NSUN6: variants seen among roughly 807,000 people sequenced by gnomAD.
NSUN6 encodes NOP2/Sun RNA methyltransferase 6, also known as tRNA (cytosine(72)-C(5))-methyltransferase NSUN6.
A neutral mutation model predicts 58.0 loss-of-function variants in NSUN6; 64 were observed. The observed-to-expected ratio is 1.10, with a 90% confidence interval of 0.90 to 1.36. The LOEUF (loss-of-function observed/expected upper bound fraction) is 1.36, where lower values mean the gene tolerates loss of function less well. Ranked by LOEUF, NSUN6 falls within the 40% of genes most tolerant of loss-of-function variation. NSUN6 has a pLI of 0.00. For synonymous variants in NSUN6, 231 were observed against 193.9 expected (o/e 1.19, Z -1.59); for missense variants, 701 against 550.1 (o/e 1.27, Z -2.74).
intron 6 of NSUN6, among the ~76,000 whole-genome samples, chr10:18,601,146 C>T (rs916705912): frequency 6.6e-6 from 1 of 151,184 alleles, no homozygotes; most frequent in East Asian, 2.0e-4. Context: ...AGTTATAAAC[C>T]AGTGCAGGCT....
At chr10:18,555,324 G>C (rs2054912321) in intron 8 of NSUN6, among the ~76,000 whole-genome samples, 1 of 150,820 alleles carries the variant, frequency 6.6e-6, no homozygotes, top group African/African-American at 2.4e-5. Context: ...GTGGAATGGA[G>C]AATGGAATGG....
chr10:18,573,765 G>C (rs1036741549), intron 8 of NSUN6, among the ~76,000 whole-genome samples: 2 of 152,018 alleles, frequency 1.3e-5, no homozygotes, highest in Non-Finnish European at 2.9e-5. Flanking sequence ...AAATATTTAG[G>C]CCACTTAGTA....
At chr10:18,561,105 A>G (rs151069225) in intron 8 of NSUN6, among the ~76,000 whole-genome samples, 73 of 140,762 alleles carry the variant, frequency 5.2e-4, no homozygotes, top group Middle Eastern at 3.6e-3. Context: ...TGGAATGGAA[A>G]AAGGAATAGA....
At chr10:18,583,994 G>A (rs1406893936) in intron 8 of NSUN6, among the ~76,000 whole-genome samples, 2 of 152,004 alleles carry the variant, frequency 1.3e-5, no homozygotes, top group Non-Finnish European at 1.5e-5. Flanking sequence ...ACCCTGCAGG[G>A]CAAGTTCTTC....
At chr10:18,612,891 A>G (rs939649464) in intron 5 of NSUN6, among the ~76,000 whole-genome samples, 3 of 152,318 alleles carry the variant, frequency 2.0e-5, no homozygotes, top group Non-Finnish European at 4.4e-5. Flanking sequence ...GAATGATTCA[A>G]CCCACCTGGA....
At chr10:18,637,211 C>G (rs577367346) in intron 3 of NSUN6, among the ~76,000 whole-genome samples, 4 of 152,084 alleles carry the variant, frequency 2.6e-5, no homozygotes, top group East Asian at 3.9e-4. Context: ...GATCCACCCC[C>G]CTGGGCCTCC....
intron 8 of NSUN6, among the ~76,000 whole-genome samples, chr10:18,560,130 G>T (rs1476545904): frequency 1.3e-5 from 2 of 149,518 alleles, no homozygotes; most frequent in African/African-American, 4.9e-5. Flanking sequence ...ATGGAATCGA[G>T]AATGCAGAAT....
chr10:18,583,844 C>T (rs963164731), intron 8 of NSUN6, among the ~76,000 whole-genome samples: 4 of 152,128 alleles, frequency 2.6e-5, no homozygotes, highest in African/African-American at 4.8e-5. Flanking sequence ...TTGCATTTTT[C>T]TAAGAAAAAA....
intron 8 of NSUN6, among the ~76,000 whole-genome samples, chr10:18,566,135 ACATTC>A (rs1431284464): frequency 7.6e-6 from 1 of 131,818 alleles, no homozygotes; most frequent in Non-Finnish European, 1.7e-5. Flanking sequence ...ATTCCATTCC[ACATTC>A]CATTCCATTC....
intron 8 of NSUN6, among the ~76,000 whole-genome samples, chr10:18,571,859 A>G (rs995096548): frequency 2.1e-5 from 3 of 143,626 alleles, no homozygotes; most frequent in Non-Finnish European, 4.5e-5. Context: ...ATTCCATTAC[A>G]TTTTCCATTC....
chr10:18,597,415 TA>T lies in NSUN6; in HGVS notation c.658-1089del, dbSNP rs964096305. On this transcript the variant is annotated intron_variant, in intron 6 of 10. Transcript: ENST00000377304. ...CCTCACAATTGTGCCTCTTAAAGCTTAAAGGTTTCAATTCATTCCTACCAAA... is the reference window on the plus strand; with the variant it reads ...CCTCACAATTGTGCCTCTTAAAGCTTAAGGTTTCAATTCATTCCTACCAAA... Among the ~76,000 whole-genome samples, 111 of 152,316 alleles carry T rather than the reference TA, an allele frequency of 7.3e-4. 1 individual carries two copies. The highest frequency in any genetic ancestry group is 9.1e-4 in the Non-Finnish European group (62 of 68,032).
At chr10:18,638,480 G>A (rs2059289353) in intron 3 of NSUN6, among the ~76,000 whole-genome samples, 1 of 151,918 alleles carries the variant, frequency 6.6e-6, no homozygotes, top group Non-Finnish European at 1.5e-5. Context: ...GAACTAAGAG[G>A]AAATAATCAA....
At chr10:18,600,733 G>A (rs557499271) in intron 6 of NSUN6, among the ~76,000 whole-genome samples, 1 of 151,368 alleles carries the variant, frequency 6.6e-6, no homozygotes, top group East Asian at 1.9e-4. Flanking sequence ...TTTGAGACCA[G>A]ACTGGCCAAT....
At chr10:18,554,653 G>A (rs1369205005) in intron 8 of NSUN6, among the ~76,000 whole-genome samples, 1 of 151,062 alleles carries the variant, frequency 6.6e-6, no homozygotes, top group Non-Finnish European at 1.5e-5. Context: ...GTAACAGATG[G>A]AGAATGGAAT....
chr10:18,631,093 T>G (rs2131479696), intron 3 of NSUN6, among the ~76,000 whole-genome samples: 1 of 152,306 alleles, frequency 6.6e-6, no homozygotes, highest in East Asian at 1.9e-4. Context: ...GCAAGGCTGG[T>G]TCATTATACC....
chr10:18,644,512 T>TTTA, intron 2 of NSUN6, among the ~76,000 whole-genome samples: 1 of 151,672 alleles, frequency 6.6e-6, no homozygotes, highest in East Asian at 1.9e-4. Flanking sequence ...TTTTTTTTTT[T>TTTA]TACTGTTAAG....
intron 6 of NSUN6, among the ~76,000 whole-genome samples, chr10:18,601,951 T>C (rs2131262720): frequency 6.8e-6 from 1 of 146,474 alleles, no homozygotes; most frequent in African/African-American, 2.5e-5. Context: ...CCAGCCTGGG[T>C]GACAGACTAA....
chr10:18,633,533 T>G (rs960105076), intron 3 of NSUN6, among the ~76,000 whole-genome samples: 1 of 152,100 alleles, frequency 6.6e-6, no homozygotes, highest in African/African-American at 2.4e-5. Context: ...ACAGTGAAAT[T>G]TGAGCCAAAC....
intron 7 of NSUN6, among the ~76,000 whole-genome samples, chr10:18,589,612 TTAAA>T (rs1237887277): frequency 6.6e-6 from 1 of 152,140 alleles, no homozygotes; most frequent in Non-Finnish European, 1.5e-5. Context: ...TTCAACATTC[TTAAA>T]TAAAAGAATT....
Sources: allele counts gnomAD v4.1 joint callset (sites outside exome capture counted in the v4.1 genomes callset), GRCh38; gene constraint gnomAD v4.1.1; transcripts MANE v1.5; gene names NCBI Gene and HGNC (gene_info 2026-07-23, HGNC 2026-07-21).